The following C19orf47 variants were observed in gnomAD, a reference collection of about 807,000 sequenced individuals.
C19orf47 encodes chromosome 19 open reading frame 47.
Under a neutral mutation model 32.3 loss-of-function variants are expected in C19orf47, and 18 were observed. That is an observed-to-expected ratio of 0.56 (90% CI 0.39 to 0.83). The LOEUF is 0.83. C19orf47 is among the 40% of genes least tolerant of loss of function. C19orf47 has a pLI of 0.00. For synonymous variants in C19orf47, 202 were observed against 211.1 expected (o/e 0.96, Z 0.37); for missense variants, 484 against 531.6 (o/e 0.91, Z 0.88).
the C19orf47 span, among the ~76,000 whole-genome samples, chr19:40,307,914 C>T: frequency 2.5e-4 from 38 of 151,856 alleles, no homozygotes; most frequent in South Asian, 7.7e-3. Context: ...TCTCCTGCCT[C>T]AGCCTCCCAA....
At chr19:40,298,315 A>T in the C19orf47 span, among the ~76,000 whole-genome samples, 1 of 106,226 alleles carries the variant, frequency 9.4e-6, no homozygotes, top group South Asian at 2.6e-4. Flanking sequence ...AAAAAAAAAA[A>T]AAAAGAAAAA....
chr19:40,309,674 G>A, the C19orf47 span, among the ~76,000 whole-genome samples: 1 of 142,266 alleles, frequency 7.0e-6, no homozygotes, highest in Non-Finnish European at 1.5e-5. Flanking sequence ...GGGTGGCAGA[G>A]CGACCTTATC....
chr19:40,308,465 CTTTTT>C, the C19orf47 span, among the ~76,000 whole-genome samples: 1 of 120,002 alleles, frequency 8.3e-6, no homozygotes, highest in East Asian at 2.6e-4. Context: ...AGAAAGTCAA[CTTTTT>C]TTTTTTTTTT....
intron 2 of C19orf47, among the ~76,000 whole-genome samples, chr19:40,336,720 C>T (rs370142115): frequency 6.6e-6 from 1 of 152,168 alleles, no homozygotes; most frequent in Non-Finnish European, 1.5e-5. Flanking sequence ...AGCTCCACCC[C>T]GCCCCAGTGC....
the C19orf47 span, among the ~76,000 whole-genome samples, chr19:40,314,198 C>T: frequency 2.6e-5 from 4 of 152,084 alleles, no homozygotes; most frequent in Non-Finnish European, 5.9e-5. Flanking sequence ...GAGGCTGAGG[C>T]GGGCAGATCA....
chr19:40,336,083 G>A (rs773031854), intron 4 of C19orf47, 27 bp downstream of exon 4: 1 of 1,603,504 alleles, frequency 6.2e-7, no homozygotes, highest in South Asian at 1.1e-5. Flanking sequence ...CAAACCCAGA[G>A]ACAGAGGGGC....
chr19:40,335,374 G>A (rs963837660), intron 4 of C19orf47, among the ~76,000 whole-genome samples: 3 of 152,192 alleles, frequency 2.0e-5, no homozygotes, highest in African/African-American at 7.2e-5. Context: ...AGGAAAATGT[G>A]AAGCAGCAAT....
At chr19:40,340,465 G>C (rs898589902) in intron 2 of C19orf47, among the ~76,000 whole-genome samples, 2 of 143,226 alleles carry the variant, frequency 1.4e-5, no homozygotes, top group Non-Finnish European at 3.1e-5. Flanking sequence ...GGTGGATCAC[G>C]AGGTCAAGAG....
chr19:40,325,680 T>C (rs947525238), intron 7 of C19orf47, among the ~76,000 whole-genome samples: 3 of 152,282 alleles, frequency 2.0e-5, no homozygotes, highest in East Asian at 3.9e-4. Context: ...ATATGTGTTA[T>C]GTATGTACCT....
the C19orf47 span, among the ~76,000 whole-genome samples, chr19:40,311,886 A>T: frequency 6.6e-6 from 1 of 152,056 alleles, no homozygotes; most frequent in African/African-American, 2.4e-5. Context: ...GGAACTCCTG[A>T]CCTCAAGTGA....
At chr19:40,295,725 C>T in the C19orf47 span, among the ~76,000 whole-genome samples, 2 of 151,842 alleles carry the variant, frequency 1.3e-5, no homozygotes, top group Non-Finnish European at 2.9e-5. Context: ...CATGAGCCAC[C>T]GTGCCTGGCC....
At chr19:40,314,314 G>A in the C19orf47 span, among the ~76,000 whole-genome samples, 1 of 152,124 alleles carries the variant, frequency 6.6e-6, no homozygotes, top group Non-Finnish European at 1.5e-5. Flanking sequence ...TGTAATCCCA[G>A]CTACTCAGGA....
chr19:40,333,673 T>C (rs1344703402), intron 5 of C19orf47, among the ~76,000 whole-genome samples, 178 bp downstream of exon 5: 2 of 152,182 alleles, frequency 1.3e-5, no homozygotes, highest in Non-Finnish European at 2.9e-5. Context: ...CAATTGACTG[T>C]GTGTACAGCC....
the C19orf47 span, among the ~76,000 whole-genome samples, chr19:40,301,313 T>TTTATTTA: frequency 5.0e-5 from 7 of 140,192 alleles, no homozygotes; most frequent in African/African-American, 1.6e-4. Flanking sequence ...CTTGAGAGGC[T>TTTATTTA]TTTATTTATT....
intron 8 of C19orf47, 62 bp downstream of exon 8, chr19:40,323,944 G>A (rs1467742517): frequency 6.3e-6 from 10 of 1,590,942 alleles, no homozygotes; most frequent in East Asian, 2.2e-5. Context: ...AAAGAGTCAG[G>A]AGCACCGCTC....
intron 2 of C19orf47, among the ~76,000 whole-genome samples, chr19:40,339,646 A>C (rs1387154427): frequency 6.6e-6 from 1 of 152,190 alleles, no homozygotes; most frequent in African/African-American, 2.4e-5. Context: ...TCTATAGAAT[A>C]GGAATGTCCC....
At chr19:40,347,172 T>C (rs1026810201) in intron 1 of C19orf47, among the ~76,000 whole-genome samples, 6 of 152,130 alleles carry the variant, frequency 3.9e-5, no homozygotes, top group African/African-American at 1.4e-4. Context: ...GGCTGTTCAG[T>C]TTCCATTGTA....
chr19:40,304,117 A>G, the C19orf47 span, among the ~76,000 whole-genome samples: 4 of 152,160 alleles, frequency 2.6e-5, no homozygotes, highest in Admixed American at 2.0e-4. Context: ...GATTAATTGG[A>G]CTGACCTAGT....
At chr19:40,309,672 G>C in the C19orf47 span, among the ~76,000 whole-genome samples, 1 of 144,198 alleles carries the variant, frequency 6.9e-6, no homozygotes, top group South Asian at 2.1e-4. Flanking sequence ...CTGGGTGGCA[G>C]AGCGACCTTA....
Sources: allele counts gnomAD v4.1 joint callset (sites outside exome capture counted in the v4.1 genomes callset), GRCh38; gene constraint gnomAD v4.1.1; transcripts MANE v1.5; gene names NCBI Gene and HGNC (gene_info 2026-07-23, HGNC 2026-07-21).